Variants in POLR3B observed in about 807,000 individuals in gnomAD.
POLR3B encodes DNA-directed RNA polymerase III subunit RPC2.
Under a neutral mutation model 147.4 loss-of-function variants are expected in POLR3B, and 96 were observed. The observed-to-expected ratio is 0.65, with a 90% CI of 0.55 to 0.77. POLR3B has a LOEUF of 0.77. POLR3B is among the 30% of genes least tolerant of loss of function. POLR3B has a pLI of 0.00. For missense variants in POLR3B, 1,036 were observed against 1,413.5 expected (o/e 0.73, Z 4.28); for synonymous variants, 461 against 485.9 (o/e 0.95, Z 0.67).
chr12:106,366,046 C>T (rs1315211864), intron 2 of POLR3B, among the ~76,000 whole-genome samples: 2 of 152,094 alleles, frequency 1.3e-5, no homozygotes, highest in Non-Finnish European at 2.9e-5. Context: ...AGAATACTTG[C>T]TGAAGGACCT....
At chr12:106,371,881 T>C (rs1044663588) in intron 6 of POLR3B, among the ~76,000 whole-genome samples, 2 of 151,840 alleles carry the variant, frequency 1.3e-5, no homozygotes, top group South Asian at 4.2e-4. Context: ...ATGGCACATG[T>C]ATACATATGT....
chr12:106,482,395 A>G (rs1232490543), intron 23 of POLR3B, among the ~76,000 whole-genome samples: 3 of 152,160 alleles, frequency 2.0e-5, no homozygotes, highest in Admixed American at 1.3e-4. Flanking sequence ...CTGGCTCACA[A>G]CTCTGCAGGC....
intron 1 of POLR3B, 133 bp downstream of exon 1, chr12:106,358,084 A>C: frequency 2.6e-6 from 4 of 1,528,984 alleles, no homozygotes; most frequent in Non-Finnish European, 3.5e-6. Context: ...GCATGCCCAG[A>C]GCGTCGCGCT....
intron 13 of POLR3B, among the ~76,000 whole-genome samples, chr12:106,429,434 C>T (rs1043624804): frequency 1.3e-5 from 2 of 152,108 alleles, no homozygotes; most frequent in East Asian, 1.9e-4. Flanking sequence ...CCAACACACC[C>T]GGCCTGCTTT....
At chr12:106,496,689 A>G in intron 24 of POLR3B, 63 bp from the exon 25 acceptor site, 2 of 1,393,044 alleles carry the variant, frequency 1.4e-6, no homozygotes, top group Non-Finnish European at 2.0e-6. Context: ...GCTGGAGATA[A>G]ATAAGCAGAG....
At chr12:106,462,734 T>C (rs1348537746) in intron 22 of POLR3B, among the ~76,000 whole-genome samples, 1 of 152,200 alleles carries the variant, frequency 6.6e-6, no homozygotes, top group Non-Finnish European at 1.5e-5. Flanking sequence ...TTCTCCAAAA[T>C]GTGCCATCCT....
At chr12:106,395,911 A>G (rs1200979707) in intron 10 of POLR3B, among the ~76,000 whole-genome samples, 1 of 152,124 alleles carries the variant, frequency 6.6e-6, no homozygotes, top group Non-Finnish European at 1.5e-5. Flanking sequence ...CGGAGGTTGC[A>G]GTGAGCCAAG....
At chr12:106,400,174 G>T (rs1345090597) in intron 10 of POLR3B, among the ~76,000 whole-genome samples, 1 of 152,034 alleles carries the variant, frequency 6.6e-6, no homozygotes, top group Non-Finnish European at 1.5e-5. Context: ...AAAAGGCAGG[G>T]GTTGCAATCC....
rs779265499 is a variant in POLR3B, at chr12:106,357,836, C to G, written c.-44C>G. The G allele has an allele frequency of 1.3e-5, 20 of 1,583,196 alleles. No homozygotes were observed. Among genetic ancestry groups the G allele is most frequent in the Non-Finnish European group, 1.6e-5 (18 of 1,158,850 alleles). Reference sequence around the variant, plus strand: ...TGCAGTTTGCTTGGTGCAGGGAAGGCGGGCGCGGAGGTTCTATCTGTTTCT... The same window carrying G: ...TGCAGTTTGCTTGGTGCAGGGAAGGGGGGCGCGGAGGTTCTATCTGTTTCT... On this transcript the variant is annotated 5_prime_UTR_variant, in exon 1 of 28. Transcript: ENST00000228347.
At chr12:106,368,444 G>A (rs911773833) in intron 4 of POLR3B, among the ~76,000 whole-genome samples, 2 of 151,808 alleles carry the variant, frequency 1.3e-5, no homozygotes, top group African/African-American at 2.4e-5. Flanking sequence ...ATTTCAGTTC[G>A]ACACTGCAGG....
intron 10 of POLR3B, among the ~76,000 whole-genome samples, chr12:106,397,382 A>T (rs2036993182): frequency 6.6e-6 from 1 of 152,232 alleles, no homozygotes; most frequent in Non-Finnish European, 1.5e-5. Context: ...CTTATCCCAC[A>T]GAGTTCCCCC....
Position 106,390,609 on chromosome 12 carries a change from T to C in POLR3B, c.724-2422T>C, listed in dbSNP as rs559958365. 3.0e-3 allele frequency among the ~76,000 whole-genome samples: 453 copies of C among 150,948 alleles called. 1 individual carries two copies. Among genetic ancestry groups the C allele is most frequent in the African/African-American group, 9.5e-3 (389 of 41,090 alleles). ...TAAATAGTGGAGCTTATTTCTAGTA[T>C]CCATTTGATAAATGTTTCCATATCA... On this transcript the variant is annotated intron_variant, in intron 9 of 27. Coordinates refer to ENST00000228347, the MANE Select transcript of POLR3B (RefSeq NM_018082.6).
At chr12:106,478,694 C>T (rs2038217688) in intron 23 of POLR3B, among the ~76,000 whole-genome samples, 1 of 151,938 alleles carries the variant, frequency 6.6e-6, no homozygotes, top group Non-Finnish European at 1.5e-5. Flanking sequence ...ACATGGGACT[C>T]GTAACTGGAC....
At chr12:106,438,974 T>C (rs1213529967) in intron 18 of POLR3B, among the ~76,000 whole-genome samples, 1 of 152,242 alleles carries the variant, frequency 6.6e-6, no homozygotes, top group Non-Finnish European at 1.5e-5. Context: ...TGCTGTCTGA[T>C]GCATGTGACT....
At chr12:106,426,221 T>TG (rs60788092) in intron 12 of POLR3B, among the ~76,000 whole-genome samples, 8,243 of 136,766 alleles carry the variant, frequency 0.06, 323 homozygotes, top group East Asian at 0.14. Context: ...GGGCCTGCAA[T>TG]TTGTGTGTGT....
chr12:106,369,501 A>C, intron 5 of POLR3B, 82 bp from the exon 6 acceptor site: 1 of 1,008,586 alleles, frequency 9.9e-7, no homozygotes. Context: ...CCATAATTCT[A>C]CTACAGAAGG....
chr12:106,401,914 C>T (rs1459113222), intron 10 of POLR3B, among the ~76,000 whole-genome samples: 2 of 152,160 alleles, frequency 1.3e-5, no homozygotes, highest in Non-Finnish European at 1.5e-5. Context: ...GACAGGGATG[C>T]CCTCTCTCAC....
chr12:106,440,391 G>A (rs1039190321), intron 18 of POLR3B, among the ~76,000 whole-genome samples: 4 of 152,256 alleles, frequency 2.6e-5, no homozygotes, highest in African/African-American at 7.2e-5. Context: ...GGGCATGTCC[G>A]TTCTCTTCTC....
At chr12:106,440,703 C>T (rs1022805773) in intron 18 of POLR3B, among the ~76,000 whole-genome samples, 5 of 151,850 alleles carry the variant, frequency 3.3e-5, no homozygotes, top group African/African-American at 1.2e-4. Flanking sequence ...AAACTCTTAT[C>T]TCTATCCACT....
Sources: allele counts gnomAD v4.1 joint callset (sites outside exome capture counted in the v4.1 genomes callset), GRCh38; gene constraint gnomAD v4.1.1; transcripts MANE v1.5; gene names NCBI Gene and HGNC (gene_info 2026-07-23, HGNC 2026-07-21).